ZZEF1: variants seen among roughly 807,000 people sequenced by gnomAD.
ZZEF1 encodes zinc finger ZZ-type and EF-hand domain-containing protein 1.
In ZZEF1, 157 loss-of-function variants were observed where a neutral mutation model predicts 342.8. The observed-to-expected ratio is 0.46, with a 90% CI of 0.40 to 0.52. The LOEUF is 0.52. ZZEF1 is among the 20% of genes least tolerant of loss of function. The pLI is 0.00. For synonymous variants in ZZEF1, 1,505 were observed against 1,429.1 expected (o/e 1.05, Z -1.20); for missense variants, 3,480 against 3,725.6 (o/e 0.93, Z 1.72).
intron 37 of ZZEF1, among the ~76,000 whole-genome samples, chr17:4,046,522 G>A (rs1390222663): frequency 6.6e-6 from 1 of 152,176 alleles, no homozygotes; most frequent in African/African-American, 2.4e-5. Context: ...CATTCAGGAG[G>A]TGACATGCCG....
chr17:4,105,466 G>A (rs34357603), intron 7 of ZZEF1, among the ~76,000 whole-genome samples: 25,463 of 152,098 alleles, frequency 0.17, 2,201 homozygotes, highest in East Asian at 0.18. Flanking sequence ...CTCCCCTTGG[G>A]CCCTGCAACA....
chr17:4,012,785 GAT>G (rs989065606), intron 52 of ZZEF1, among the ~76,000 whole-genome samples: 1 of 152,060 alleles, frequency 6.6e-6, no homozygotes, highest in East Asian at 1.9e-4. Flanking sequence ...AAGGTCACTG[GAT>G]ATAACGGCAA....
chr17:4,102,951 T>C (rs751018548), intron 8 of ZZEF1, among the ~76,000 whole-genome samples: 1 of 152,048 alleles, frequency 6.6e-6, no homozygotes, highest in Admixed American at 6.6e-5. Context: ...TGAAAATGTT[T>C]TCCTTTTGTT....
chr17:4,131,413 T>C (rs2058660142), intron 1 of ZZEF1, among the ~76,000 whole-genome samples: 1 of 151,358 alleles, frequency 6.6e-6, no homozygotes, highest in African/African-American at 2.4e-5. Flanking sequence ...AAATTAATGA[T>C]AAAAGACTGA....
intron 18 of ZZEF1, among the ~76,000 whole-genome samples, chr17:4,080,432 C>G (rs1002137350): frequency 2.6e-5 from 4 of 152,112 alleles, no homozygotes; most frequent in Non-Finnish European, 5.9e-5. Context: ...CTCCGCCTCC[C>G]AGGTTCAAGC....
At chr17:4,052,881 G>A (rs1053004576) in intron 34 of ZZEF1, among the ~76,000 whole-genome samples, 1 of 150,948 alleles carries the variant, frequency 6.6e-6, no homozygotes, top group African/African-American at 2.5e-5. Context: ...GGGCGGCGGG[G>A]GAGAAAAAAC....
intron 33 of ZZEF1, among the ~76,000 whole-genome samples, chr17:4,054,581 G>A (rs2057116870): frequency 1.3e-5 from 2 of 152,148 alleles, no homozygotes; most frequent in African/African-American, 2.4e-5. Flanking sequence ...TTGACAGACA[G>A]CAAAAAGGGG....
chr17:4,090,771 T>C lies in ZZEF1; in HGVS notation c.1973A>G (p.Glu658Gly), dbSNP rs768798786. Residue 658 changes from glutamate to glycine, a missense_variant, in exon 12 of 55, where the codon GAA (glutamate) becomes GGA (glycine). By Grantham distance (98) the Glu-to-Gly change is moderately conservative (BLOSUM62 -2). Transcript: ENST00000381638. The stretch of plus-strand genomic sequence containing the variant: ...CACATCTGCTTCATCCCATTCTTCT[T>C]CCAGTTCAAACCAGCCAATAGGATC... ...EDDPIGWFELEEEWDEADVKL... is the reference protein window; with the variant it reads ...EDDPIGWFELGEEWDEADVKL... 3.7e-6 allele frequency: 6 copies of C among 1,614,024 alleles called. No homozygotes were observed. The African/African-American group carries it at 8.0e-5, about 22-fold the overall frequency.
intron 52 of ZZEF1, among the ~76,000 whole-genome samples, chr17:4,012,053 C>T (rs924701767): frequency 1.3e-4 from 20 of 152,356 alleles, no homozygotes; most frequent in African/African-American, 4.3e-4. Context: ...GGGATTGTCC[C>T]CACTGGAAAG....
At chr17:4,112,282 A>T (rs1597909352) in intron 5 of ZZEF1, among the ~76,000 whole-genome samples, 1 of 150,596 alleles carries the variant, frequency 6.6e-6, no homozygotes. Context: ...AGTGGCTGGG[A>T]TTACAGGTAC....
chr17:4,124,609 A>ATT (rs34282931), intron 1 of ZZEF1, among the ~76,000 whole-genome samples: 11 of 126,790 alleles, frequency 8.7e-5, no homozygotes, highest in African/African-American at 2.6e-4. Context: ...CGCCAAGCTG[A>ATT]TTTTTTTTTT....
intron 40 of ZZEF1, 96 bp downstream of exon 40, chr17:4,033,919 A>G: frequency 6.7e-7 from 1 of 1,497,632 alleles, no homozygotes; most frequent in Non-Finnish European, 9.1e-7. Flanking sequence ...ACTGTAGCAC[A>G]CCGAAATTAA....
rs759367593 is a variant in ZZEF1 at position 4,105,706 on chromosome 17, T to C, written c.1381A>G (p.Ile461Val). Reference sequence around the variant, plus strand: ...CCTTGATTTTACCTAGTTATCCTTATGAGGAAACTGTCCACTTCTTCCAGC... The same window carrying C: ...CCTTGATTTTACCTAGTTATCCTTACGAGGAAACTGTCCACTTCTTCCAGC... Reference protein sequence around the residue: ...NVLEEVDSFLIRITSCCSTPE... With the variant: ...NVLEEVDSFLVRITSCCSTPE... The change falls in exon 7 of 55, where the codon ATA becomes GTA. Residue 461 changes from isoleucine (I) to valine (V), a missense_variant. By Grantham distance (29) the Ile-to-Val change is conservative. This residue lies in a region of ZZEF1 where 1,528 missense variants were observed against 1,624.1 expected (regional missense o/e 0.94). Transcript: ENST00000381638. 4.3e-6 allele frequency: 7 copies of C among 1,612,710 alleles called. No homozygotes were observed. Among genetic ancestry groups the C allele is most frequent in the African/African-American group, 1.3e-5 (1 of 74,992 alleles).
chr17:4,106,470 C>G (rs1320302866), intron 6 of ZZEF1, among the ~76,000 whole-genome samples: 1 of 134,024 alleles, frequency 7.5e-6, no homozygotes, highest in Non-Finnish European at 1.6e-5. Flanking sequence ...ATTTGTTCAG[C>G]AGCAACAGGG....
At chr17:4,086,697 T>C (rs185566494) in intron 14 of ZZEF1, 42 bp from the exon 15 acceptor site, 1 of 1,606,232 alleles carries the variant, frequency 6.2e-7, no homozygotes, top group East Asian at 2.2e-5. Flanking sequence ...AAGGGCAAGT[T>C]GCATTTACTC....
At chr17:4,122,374 G>C (rs549238453) in intron 2 of ZZEF1, among the ~76,000 whole-genome samples, 1 of 151,288 alleles carries the variant, frequency 6.6e-6, no homozygotes, top group African/African-American at 2.4e-5. Context: ...CACAGGCCAT[G>C]TCTTTTCTTT....
Position 4,090,752 on chromosome 17 carries a change from T to G in ZZEF1, c.1992A>C (p.Ala664=). ...CTCTGCACTGTTGCAGCTTCACATC[T>G]GCTTCATCCCATTCTTCTTCCAGTT... ...WFELEEEWDE[A]DVKLQQCRVA... The change falls in exon 12 of 55, where the codon GCA becomes GCC. Residue 664 remains alanine (A), a synonymous_variant. Transcript: ENST00000381638. 6.2e-7 allele frequency: 1 copy of G among 1,614,196 alleles called. No homozygotes were observed. The highest frequency in any genetic ancestry group is 8.5e-7 in the Non-Finnish European group (1 of 1,180,030).
intron 42 of ZZEF1, 72 bp downstream of exon 42, chr17:4,032,054 C>A: frequency 1.3e-6 from 2 of 1,490,886 alleles, no homozygotes; most frequent in Admixed American, 4.6e-5. Context: ...AAGGTAATTT[C>A]ATTGATTTTA....
At chr17:4,047,827 G>C (rs191632045) in intron 37 of ZZEF1, among the ~76,000 whole-genome samples, 1 of 148,020 alleles carries the variant, frequency 6.8e-6, no homozygotes, top group East Asian at 2.0e-4. Context: ...TGTAGTCCCA[G>C]TTACTTGAGA....
Sources: gnomAD v4.1 joint callset for allele counts (sites outside exome capture counted in the v4.1 genomes callset) on GRCh38, gnomAD v4.1.1 for gene constraint, gnomAD v4.1.1 regional missense constraint, MANE v1.5 for transcripts, NCBI Gene and HGNC (gene_info 2026-07-23, HGNC 2026-07-21) for gene names.